Variants in CGNL1 observed in about 807,000 individuals in gnomAD.
The protein encoded by CGNL1 is cingulin like 1.
CGNL1 carries 132 observed loss-of-function variants against 141.2 expected under a neutral mutation model. The ratio of observed to expected loss-of-function variants is 0.93; its 90% CI spans 0.81 to 1.08. The LOEUF (loss-of-function observed/expected upper bound fraction) is 1.08. CGNL1 is among the 50% of genes least tolerant of loss of function. CGNL1 has a pLI of 0.00. For missense variants in CGNL1, 1,870 were observed against 1,588.6 expected, an observed-to-expected ratio of 1.18 and a Z score of -3.01; for synonymous variants, 690 against 622.1, an observed-to-expected ratio of 1.11 and a Z score of -1.63.
chr15:57,383,631 CTT>C (rs745909275), intron 1 of CGNL1, among the ~76,000 whole-genome samples: 1 of 37,978 alleles, frequency 2.6e-5, no homozygotes. Context: ...CTTTTCTTTT[CTT>C]TTTTTTTTTG....
chr15:57,414,246 C>T (rs1464866027), intron 1 of CGNL1, among the ~76,000 whole-genome samples: 2 of 152,164 alleles, frequency 1.3e-5, no homozygotes, highest in Admixed American at 6.5e-5. Flanking sequence ...CCTGCATGTT[C>T]CTCAGAGGCT....
intron 8 of CGNL1, among the ~76,000 whole-genome samples, chr15:57,474,654 T>C (rs188483080): frequency 7.5e-4 from 115 of 152,344 alleles, no homozygotes; most frequent in African/African-American, 2.5e-3. Flanking sequence ...TCTGTTTTTA[T>C]TTCCTCTCTT....
At chr15:57,381,725 C>T (rs1184691167) in intron 1 of CGNL1, among the ~76,000 whole-genome samples, 1 of 152,162 alleles carries the variant, frequency 6.6e-6, no homozygotes, top group Non-Finnish European at 1.5e-5. Context: ...ATCACAGTCT[C>T]CTTAGGTCTG....
intron 1 of CGNL1, among the ~76,000 whole-genome samples, chr15:57,431,872 T>C (rs2152296998): frequency 1.3e-5 from 2 of 152,334 alleles, no homozygotes; most frequent in South Asian, 4.1e-4. Flanking sequence ...AGCTCATGTT[T>C]ATCATCAGCC....
rs569238094 is a variant in CGNL1, at chr15:57,500,546, G to A, written c.2404-16234G>A. The stretch of plus-strand genomic sequence containing the variant: ...GAGCTGGAATTCCAGCCATCTCGGG[G>A]AACTGAACATTGTTAATTAGGGCAA... On this transcript the variant is annotated intron_variant, in intron 8 of 18. Coordinates refer to ENST00000281282, the MANE Select transcript of CGNL1 (RefSeq NM_032866.5). 5.9e-5 allele frequency among the ~76,000 whole-genome samples: 9 copies of A among 152,304 alleles called. No individual in the cohort carries two copies. The East Asian group carries it at 1.7e-3, about 29-fold the overall frequency.
chr15:57,450,980 A>G (rs988473282), intron 4 of CGNL1, among the ~76,000 whole-genome samples: 7 of 151,362 alleles, frequency 4.6e-5, no homozygotes. Context: ...ACCACTCTTA[A>G]GAAACACTAA....
chr15:57,482,757 C>G (rs2063740840), intron 8 of CGNL1, among the ~76,000 whole-genome samples: 1 of 151,390 alleles, frequency 6.6e-6, no homozygotes, highest in East Asian at 1.9e-4. Context: ...TTTAGCTATT[C>G]TAGTTACTTT....
At chr15:57,433,907 A>C (rs1567619) in intron 1 of CGNL1, among the ~76,000 whole-genome samples, 53,056 of 142,870 alleles carry the variant, frequency 0.37, 9,520 homozygotes, top group African/African-American at 0.42. Context: ...ACTGAAATGT[A>C]TGGGTTCTTC....
At chr15:57,426,265 C>G (rs2062972661) in intron 1 of CGNL1, among the ~76,000 whole-genome samples, 1 of 152,114 alleles carries the variant, frequency 6.6e-6, no homozygotes, top group Admixed American at 6.5e-5. Flanking sequence ...CTGCCTCAGC[C>G]TCCTGAGTAG....
intron 8 of CGNL1, among the ~76,000 whole-genome samples, chr15:57,475,190 T>G (rs1249192967): frequency 1.3e-5 from 2 of 152,172 alleles, no homozygotes; most frequent in African/African-American, 4.8e-5. Context: ...CCTGGTGGCT[T>G]CCCTTCAGTT....
intron 1 of CGNL1, among the ~76,000 whole-genome samples, chr15:57,436,421 C>T (rs1264403117): frequency 3.3e-5 from 5 of 152,306 alleles, no homozygotes; most frequent in African/African-American, 1.2e-4. Context: ...CATAAGCTAT[C>T]TTTAATCACA....
chr15:57,396,145 A>G (rs2062599551), intron 1 of CGNL1, among the ~76,000 whole-genome samples: 1 of 152,198 alleles, frequency 6.6e-6, no homozygotes, highest in African/African-American at 2.4e-5. Context: ...ATTGCTAAAT[A>G]TATTGCTACA....
intron 8 of CGNL1, among the ~76,000 whole-genome samples, chr15:57,473,390 A>C (rs2063607619): frequency 6.6e-6 from 1 of 152,174 alleles, no homozygotes; most frequent in Non-Finnish European, 1.5e-5. Flanking sequence ...ATAAACTCTA[A>C]ATTCATTAGA....
At chr15:57,514,084 T>C (rs2030567413) in intron 8 of CGNL1, among the ~76,000 whole-genome samples, 1 of 152,232 alleles carries the variant, frequency 6.6e-6, no homozygotes, top group Non-Finnish European at 1.5e-5. Context: ...CCCTAATGAC[T>C]AATGATGTTG....
intron 8 of CGNL1, among the ~76,000 whole-genome samples, chr15:57,485,028 C>G (rs1727390487): frequency 6.7e-6 from 1 of 150,124 alleles, no homozygotes; most frequent in Non-Finnish European, 1.5e-5. Context: ...TCTTCCTTTT[C>G]CAGATTCTTG....
At chr15:57,382,421 A>G (rs1372647598) in intron 1 of CGNL1, among the ~76,000 whole-genome samples, 2 of 152,250 alleles carry the variant, frequency 1.3e-5, no homozygotes, top group Non-Finnish European at 2.9e-5. Context: ...CAGCCTGGCC[A>G]GAAGCCTCTT....
intron 4 of CGNL1, among the ~76,000 whole-genome samples, 181 bp from the exon 5 acceptor site, chr15:57,451,319 C>T (rs575434986): frequency 1.3e-5 from 2 of 152,292 alleles, no homozygotes; most frequent in South Asian, 4.1e-4. Flanking sequence ...CAGGCAGTAA[C>T]ATTAACTCTG....
Position 57,438,335 on chromosome 15 carries a change from C to T in CGNL1, c.336C>T (p.Ser112=), listed in dbSNP as rs1382626738. 6.2e-7 allele frequency: 1 copy of T among 1,614,082 alleles called. No homozygotes were observed. Among genetic ancestry groups the T allele is most frequent in the East Asian group, 2.2e-5 (1 of 44,884 alleles). ...CAGAAAACCCATACGCCCAGCCTAG[C>T]CCAATAAGAAACCTGAAACAGCCCC... ...QLPENPYAQP[S]PIRNLKQPLL... is the part of the protein sequence containing the mutation. The change falls in exon 2 of 19, where the codon AGC becomes AGT. Residue 112 remains serine, a synonymous_variant. Transcript: ENST00000281282.
At chr15:57,455,475 G>A (rs2063367969) in intron 7 of CGNL1, among the ~76,000 whole-genome samples, 1 of 152,192 alleles carries the variant, frequency 6.6e-6, no homozygotes, top group Admixed American at 6.5e-5. Context: ...GTCACTGTGA[G>A]TTGCCCCCTG....
Sources: allele counts gnomAD v4.1 joint callset (sites outside exome capture counted in the v4.1 genomes callset), GRCh38; gene constraint gnomAD v4.1.1; transcripts MANE v1.5; gene names NCBI Gene and HGNC (gene_info 2026-07-23, HGNC 2026-07-21).